SOX5: variants seen among roughly 807,000 people sequenced by gnomAD.
The protein encoded by SOX5 is transcription factor SOX-5.
In SOX5, 9 loss-of-function variants were observed where a neutral mutation model predicts 92.0. That is an observed-to-expected ratio of 0.10 (90% CI 0.06 to 0.17). The LOEUF is 0.17. SOX5 is among the 10% of genes least tolerant of loss of function. The pLI is 1.00. For synonymous variants in SOX5, 344 were observed against 336.3 expected (o/e 1.02, Z -0.25); for missense variants, 642 against 944.5 (o/e 0.68, Z 4.20).
At chr12:24,272,224 G>GA (rs1431539191) in intron 3 of SOX5, among the ~76,000 whole-genome samples, 1 of 151,940 alleles carries the variant, frequency 6.6e-6, no homozygotes, top group African/African-American at 2.4e-5. Flanking sequence ...CCAGAAACTA[G>GA]AAAAAATGAT....
At chr12:24,524,874 C>T (rs1950566167) in intron 1 of SOX5, among the ~76,000 whole-genome samples, 1 of 152,050 alleles carries the variant, frequency 6.6e-6, no homozygotes, top group South Asian at 2.1e-4. Flanking sequence ...ATAATTAAAT[C>T]GGCTGGGCCT....
At chr12:24,195,149 AAAC>A (rs768113079) in intron 4 of SOX5, among the ~76,000 whole-genome samples, 1 of 151,898 alleles carries the variant, frequency 6.6e-6, no homozygotes, top group Non-Finnish European at 1.5e-5. Context: ...GAAAAAAAAA[AAAC>A]ACGAGAAAAA....
chr12:23,710,123 C>T (rs775018621), intron 6 of SOX5, among the ~76,000 whole-genome samples: 19 of 152,244 alleles, frequency 1.2e-4, no homozygotes, highest in East Asian at 7.7e-4. Flanking sequence ...ACACACCACA[C>T]GCACACACTC....
At chr12:24,444,172 T>C (rs1234985776) in intron 1 of SOX5, among the ~76,000 whole-genome samples, 2 of 152,174 alleles carry the variant, frequency 1.3e-5, no homozygotes, top group Non-Finnish European at 2.9e-5. Context: ...TGAAACTTAA[T>C]TGTTTGTTTC....
intron 2 of SOX5, among the ~76,000 whole-genome samples, chr12:24,346,008 A>G (rs1953184977): frequency 1.3e-5 from 2 of 152,314 alleles, no homozygotes; most frequent in Admixed American, 1.3e-4. Context: ...CCCTGTCTCT[A>G]TGTTGGCTTA....
intron 1 of SOX5, among the ~76,000 whole-genome samples, chr12:24,478,896 A>T (rs1945669693): frequency 6.6e-6 from 1 of 152,236 alleles, no homozygotes. Context: ...CACTCATGTG[A>T]TTCCCTCGCT....
intron 1 of SOX5, among the ~76,000 whole-genome samples, chr12:24,555,067 A>C (rs188850093): frequency 2.0e-5 from 3 of 152,352 alleles, no homozygotes; most frequent in East Asian, 3.9e-4. Flanking sequence ...TAAGGCAACA[A>C]AGTGCTGGTG....
At chr12:24,159,976 A>C (rs1176336801) in intron 4 of SOX5, among the ~76,000 whole-genome samples, 2 of 152,040 alleles carry the variant, frequency 1.3e-5, no homozygotes, top group African/African-American at 4.8e-5. Context: ...GTATCCAAAA[A>C]TTAAAGTTCA....
intron 1 of SOX5, among the ~76,000 whole-genome samples, chr12:23,937,175 C>G (rs1398836129): frequency 6.6e-6 from 1 of 150,882 alleles, no homozygotes; most frequent in African/African-American, 2.4e-5. Context: ...TATATCTCAG[C>G]TAAAGATAAT....
At chr12:23,745,453 A>G (rs1285810759) in intron 4 of SOX5, among the ~76,000 whole-genome samples, 3 of 152,096 alleles carry the variant, frequency 2.0e-5, no homozygotes, top group Non-Finnish European at 4.4e-5. Flanking sequence ...AAGACCTCCA[A>G]TTGCTCCCCA....
chr12:24,231,861 T>A (rs1344151668), intron 3 of SOX5, among the ~76,000 whole-genome samples: 2 of 152,226 alleles, frequency 1.3e-5, no homozygotes, highest in Non-Finnish European at 2.9e-5. Context: ...ATGATATATA[T>A]CAAAGTATTT....
chr12:23,839,990 CAA>C (rs142394109), intron 3 of SOX5, among the ~76,000 whole-genome samples: 22,318 of 121,756 alleles, frequency 0.18, 1,941 homozygotes, highest in East Asian at 0.51. Context: ...CTCAAGAAGA[CAA>C]AAAAAAAAAA....
chr12:24,462,126 T>G (rs967643152), intron 1 of SOX5, among the ~76,000 whole-genome samples: 4 of 152,200 alleles, frequency 2.6e-5, no homozygotes, highest in Admixed American at 2.6e-4. Flanking sequence ...AATATCACAG[T>G]GTACTTACAC....
chr12:24,095,142 G>GAT (rs1555507661), intron 4 of SOX5, among the ~76,000 whole-genome samples: 15 of 148,382 alleles, frequency 1.0e-4, no homozygotes, highest in Admixed American at 3.3e-4. Context: ...GAGAGAGAGA[G>GAT]AGAGAGAGAG....
chr12:23,892,447 A>C (rs1027874624), intron 2 of SOX5, among the ~76,000 whole-genome samples: 1 of 152,200 alleles, frequency 6.6e-6, no homozygotes, highest in Non-Finnish European at 1.5e-5. Context: ...ATGCTAGTCT[A>C]TAGAGATTTT....
intron 4 of SOX5, among the ~76,000 whole-genome samples, chr12:24,212,896 A>C (rs190057648): frequency 6.6e-6 from 1 of 152,338 alleles, no homozygotes; most frequent in Admixed American, 6.5e-5. Flanking sequence ...AGAGGTGGAC[A>C]CCAGCACAGA....
At chr12:24,542,980 C>G (rs1952281858) in intron 1 of SOX5, among the ~76,000 whole-genome samples, 1 of 152,146 alleles carries the variant, frequency 6.6e-6, no homozygotes. Flanking sequence ...AGTCTGAGTT[C>G]TATACCAATT....
chr12:23,676,748 C>G (rs993816036), intron 6 of SOX5, among the ~76,000 whole-genome samples: 3 of 152,206 alleles, frequency 2.0e-5, no homozygotes, highest in Admixed American at 1.3e-4. Flanking sequence ...GCACTTTTCT[C>G]TCCGTTATTT....
At chr12:24,099,116 C>T (rs1945772480) in intron 4 of SOX5, among the ~76,000 whole-genome samples, 1 of 152,116 alleles carries the variant, frequency 6.6e-6, no homozygotes, top group Non-Finnish European at 1.5e-5. Flanking sequence ...GTTAATTTTC[C>T]ACAATCATAA....
Sources: gnomAD v4.1 joint callset for allele counts (sites outside exome capture counted in the v4.1 genomes callset) on GRCh38, gnomAD v4.1.1 for gene constraint, MANE v1.5 for transcripts, NCBI Gene and HGNC (gene_info 2026-07-23, HGNC 2026-07-21) for gene names.